The following CDK14 variants were observed in gnomAD, a reference collection of about 807,000 sequenced individuals.
CDK14 encodes cyclin dependent kinase 14.
CDK14 carries 34 observed loss-of-function variants against 60.7 expected under a neutral mutation model. The observed-to-expected ratio is 0.56, with a 90% confidence interval of 0.43 to 0.75. The LOEUF (loss-of-function observed/expected upper bound fraction) is 0.75. Among genes scored for constraint, CDK14 ranks in the 30% least tolerant of loss-of-function variants. The pLI, the probability that CDK14 is intolerant of heterozygous loss-of-function variation, is 0.00. For synonymous variants in CDK14, 197 were observed against 203.7 expected (o/e 0.97, Z 0.28); for missense variants, 482 against 564.1 (o/e 0.85, Z 1.47).
intron 6 of CDK14, among the ~76,000 whole-genome samples, chr7:90,888,931 G>A (rs1195542132): frequency 6.6e-6 from 1 of 152,194 alleles, no homozygotes; most frequent in Non-Finnish European, 1.5e-5. Flanking sequence ...TTGCCAGAGG[G>A]CATATAAATC....
intron 10 of CDK14, among the ~76,000 whole-genome samples, chr7:90,994,412 A>C (rs1410656896): frequency 6.6e-6 from 1 of 152,232 alleles, no homozygotes; most frequent in Non-Finnish European, 1.5e-5. Flanking sequence ...GAAGTCATGC[A>C]GTAACTCTCT....
chr7:91,129,122 C>G (rs761809069), intron 14 of CDK14, among the ~76,000 whole-genome samples: 7 of 152,096 alleles, frequency 4.6e-5, no homozygotes, highest in Non-Finnish European at 8.8e-5. Context: ...CATGTGGATC[C>G]CCAGGGGCTT....
chr7:90,843,269 A>C (rs946443450), intron 5 of CDK14, among the ~76,000 whole-genome samples: 2 of 152,166 alleles, frequency 1.3e-5, no homozygotes, highest in African/African-American at 4.8e-5. Context: ...AAAAATTCAC[A>C]ATTATAGTTT....
intron 8 of CDK14, among the ~76,000 whole-genome samples, chr7:90,946,323 C>G (rs901777495): frequency 6.6e-6 from 1 of 152,090 alleles, no homozygotes; most frequent in Admixed American, 6.6e-5. Context: ...TGCCCAACTC[C>G]AATTTCAAGA....
At chr7:90,649,280 C>CTT (rs1300114665) in intron 2 of CDK14, among the ~76,000 whole-genome samples, 1 of 56,298 alleles carries the variant, frequency 1.8e-5, no homozygotes, top group Non-Finnish European at 3.1e-5. Context: ...TTCTTTCTTT[C>CTT]TTTCTTTCTT....
intron 4 of CDK14, among the ~76,000 whole-genome samples, chr7:90,766,177 G>A (rs1804548911): frequency 6.6e-6 from 1 of 151,342 alleles, no homozygotes; most frequent in Admixed American, 6.6e-5. Context: ...TACTAGTTGT[G>A]ATTTTTTTTA....
At chr7:91,063,893 T>TA (rs2052949878) in intron 11 of CDK14, among the ~76,000 whole-genome samples, 2 of 152,202 alleles carry the variant, frequency 1.3e-5, no homozygotes, top group Non-Finnish European at 2.9e-5. Flanking sequence ...AGCTAACAGA[T>TA]ACTGAGTGTT....
chr7:90,863,219 C>A lies in CDK14; in HGVS notation c.589C>A (p.His197Asn). 2.5e-6 allele frequency: 4 copies of A among 1,610,658 alleles called. No homozygotes were observed. The highest frequency in any genetic ancestry group is 3.4e-6 in the Non-Finnish European group (4 of 1,177,456). The change falls in exon 6 of 15, where the codon CAT becomes AAT. Residue 197 changes from histidine (H) to asparagine (N), a missense_variant. His to Asn is a moderately conservative substitution (Grantham distance 68). Transcript: ENST00000380050. ...AAAACATGCTAACATAGTGCTACTT[C>A]ATGACATCATCCATACCAAGGAGAC... ...GLKHANIVLL[H>N]DIIHTKETLT...
chr7:90,663,548 C>G (rs370821565), intron 2 of CDK14, among the ~76,000 whole-genome samples: 1 of 152,178 alleles, frequency 6.6e-6, no homozygotes, highest in African/African-American at 2.4e-5. Context: ...GTGTGAGAAA[C>G]TAGAAATATT....
chr7:91,155,242 A>G (rs1360185040), intron 14 of CDK14, among the ~76,000 whole-genome samples: 1 of 152,214 alleles, frequency 6.6e-6, no homozygotes, highest in Non-Finnish European at 1.5e-5. Context: ...TGAACAGAGA[A>G]TCATAGTTGT....
chr7:90,708,787 A>G (rs1801960431), intron 2 of CDK14, among the ~76,000 whole-genome samples: 1 of 152,182 alleles, frequency 6.6e-6, no homozygotes, highest in Non-Finnish European at 1.5e-5. Flanking sequence ...GTGAATATTT[A>G]CAAGGTTAGA....
At chr7:91,074,496 A>T (rs1175946014) in intron 11 of CDK14, among the ~76,000 whole-genome samples, 1 of 152,208 alleles carries the variant, frequency 6.6e-6, no homozygotes, top group Non-Finnish European at 1.5e-5. Context: ...GGATGCAGCT[A>T]AAGAAGTGTT....
chr7:90,669,673 T>A (rs1801059899), intron 2 of CDK14, among the ~76,000 whole-genome samples: 1 of 152,244 alleles, frequency 6.6e-6, no homozygotes, highest in Admixed American at 6.5e-5. Flanking sequence ...AGACTATTTC[T>A]GGACCTTTTA....
Position 91,023,394 on chromosome 7 carries a change from A to G in CDK14, c.1042-22503A>G, listed in dbSNP as rs187107730. Among the ~76,000 whole-genome samples the G allele has an allele frequency of 2.6e-5, 4 of 152,290 alleles. No individual in the cohort carries two copies. The East Asian group carries it at 7.7e-4, about 29-fold the overall frequency. On this transcript the variant is annotated intron_variant, in intron 10 of 14. Coordinates refer to ENST00000380050, the MANE Select transcript of CDK14 (RefSeq NM_001287135.2). Reference sequence around the variant, plus strand: ...ATGTTATCACTCGGAAGATTTTTCAAAGAGACAATTTCTACTGTTGACAAG... The same window carrying G: ...ATGTTATCACTCGGAAGATTTTTCAGAGAGACAATTTCTACTGTTGACAAG...
At chr7:90,980,382 T>C (rs1160568618) in intron 9 of CDK14, among the ~76,000 whole-genome samples, 3 of 152,160 alleles carry the variant, frequency 2.0e-5, no homozygotes, top group East Asian at 1.9e-4. Flanking sequence ...TGATATAAGA[T>C]TATATATCAT....
At chr7:90,749,105 A>ATACTG in intron 4 of CDK14, among the ~76,000 whole-genome samples, 1 of 152,350 alleles carries the variant, frequency 6.6e-6, no homozygotes, top group East Asian at 1.9e-4. Context: ...TAAGGCAAAA[A>ATACTG]TACTGTGAAG....
chr7:90,809,502 G>C (rs560772767), intron 5 of CDK14, among the ~76,000 whole-genome samples: 16 of 151,970 alleles, frequency 1.1e-4, no homozygotes, highest in African/African-American at 3.4e-4. Context: ...AGCACTAAAT[G>C]CCCACAAGAG....
At chr7:91,082,434 CAT>C (rs1798508584) in intron 12 of CDK14, among the ~76,000 whole-genome samples, 2 of 152,158 alleles carry the variant, frequency 1.3e-5, no homozygotes, top group South Asian at 2.1e-4. Context: ...TGTTCCCACA[CAT>C]GTTATGGTTC....
rs1554416545 is a variant in CDK14 at position 90,598,704 on chromosome 7, A to ATTTGTTTT, written c.91+1989_91+1990insGTTTTTTT. Among the ~76,000 whole-genome samples the ATTTGTTTT allele has an allele frequency of 6.8e-4, 60 of 87,890 alleles. 3 individuals carry two copies. Among genetic ancestry groups the ATTTGTTTT allele is most frequent in the East Asian group, 2.0e-3 (7 of 3,444 alleles). The allele number at this position is 87,890 out of a possible 152,430, so 57.7% of individuals were successfully genotyped here. A position where few individuals can be genotyped will look rare whatever the true frequency, so the allele number is the denominator to read the frequency against. On this transcript the variant is annotated intron_variant, in intron 1 of 14. Transcript: ENST00000380050. ...GTGAACTCATTCTGATTATCTAAGGATTTTTTTTTTTTTTTTTTGAGACGG... is the reference window on the plus strand; with the variant it reads ...GTGAACTCATTCTGATTATCTAAGGATTTGTTTTTTTTTTTTTTTTTTTTTTGAGACGG...
Sources: allele counts gnomAD v4.1 joint callset (sites outside exome capture counted in the v4.1 genomes callset), GRCh38; gene constraint gnomAD v4.1.1; transcripts MANE v1.5; gene names NCBI Gene and HGNC (gene_info 2026-07-23, HGNC 2026-07-21).